Variants in ITFG1 observed in about 807,000 individuals in gnomAD.
The protein encoded by ITFG1 is T-cell immunomodulatory protein.
In ITFG1, 34 loss-of-function variants were observed where a neutral mutation model predicts 81.8. The observed-to-expected ratio is 0.42, with a 90% CI of 0.32 to 0.55. The LOEUF (loss-of-function observed/expected upper bound fraction) is 0.55, where lower values mean the gene tolerates loss of function less well. Among genes scored for constraint, ITFG1 ranks in the 20% least tolerant of loss-of-function variants. The pLI is 0.17. For missense variants in ITFG1, 672 were observed against 755.4 expected (o/e 0.89, Z 1.29); for synonymous variants, 285 against 270.6 (o/e 1.05, Z -0.52).
At chr16:47,383,356 C>T (rs1269414656) in intron 6 of ITFG1, among the ~76,000 whole-genome samples, 7 of 152,230 alleles carry the variant, frequency 4.6e-5, no homozygotes, top group African/African-American at 7.2e-5. Context: ...TGCCCTGACG[C>T]GTTTTCTTAG....
Position 47,189,844 on chromosome 16 carries a change from C to T in ITFG1, c.1454-27180G>A, listed in dbSNP as rs192498193. Among the ~76,000 whole-genome samples the T allele has an allele frequency of 3.3e-3, 502 of 152,240 alleles. 2 individuals are homozygous for T. The highest frequency in any genetic ancestry group is 0.012 in the African/African-American group (479 of 41,530). ...CCTCTAATGAAGGAATGGTAAAAAG[C>T]CATTGCAAATGCATGTGAAAAATAA... On this transcript the variant is annotated intron_variant, in intron 14 of 17. Coordinates refer to ENST00000320640, the MANE Select transcript of ITFG1 (RefSeq NM_030790.5).
At chr16:47,422,698 C>T (rs1968966832) in intron 6 of ITFG1, among the ~76,000 whole-genome samples, 1 of 152,160 alleles carries the variant, frequency 6.6e-6, no homozygotes, top group Admixed American at 6.5e-5. Flanking sequence ...AGAGATTCAA[C>T]CTCTTCCTGG....
chr16:47,412,552 G>C (rs1968824673), intron 6 of ITFG1, among the ~76,000 whole-genome samples: 1 of 152,092 alleles, frequency 6.6e-6, no homozygotes, highest in African/African-American at 2.4e-5. Flanking sequence ...AAAATAGCAG[G>C]ATATGGTGGT....
At chr16:47,380,143 A>C (rs1968378121) in intron 6 of ITFG1, among the ~76,000 whole-genome samples, 1 of 152,058 alleles carries the variant, frequency 6.6e-6, no homozygotes, top group Non-Finnish European at 1.5e-5. Flanking sequence ...GAACCCAAGA[A>C]GGTTAAATTC....
At chr16:47,227,616 T>C (rs940538407) in intron 13 of ITFG1, among the ~76,000 whole-genome samples, 2 of 152,192 alleles carry the variant, frequency 1.3e-5, no homozygotes, top group Non-Finnish European at 2.9e-5. Flanking sequence ...AGAGACTTTT[T>C]TAGTAAGCCA....
chr16:47,313,469 A>G (rs995064800), intron 9 of ITFG1, among the ~76,000 whole-genome samples: 2 of 152,244 alleles, frequency 1.3e-5, no homozygotes, highest in African/African-American at 4.8e-5. Context: ...TATTCCTGGC[A>G]TATAAAAAGC....
intron 14 of ITFG1, among the ~76,000 whole-genome samples, chr16:47,163,914 TACACACAC>T (rs56117889): frequency 9.3e-4 from 129 of 139,416 alleles, no homozygotes; most frequent in South Asian, 1.9e-3. Flanking sequence ...GAAGCTCAAC[TACACACAC>T]ACACACACAC....
In ITFG1 at chr16:47,221,055, A is replaced by G. The variant is rs530414151; in HGVS notation, c.1375-2109T>C. ...CTTTGCAAGTAGGGTAGCTATGAAAATGAAGAGCCTACCAGGTACTGGAGG... is the reference window on the plus strand; with the variant it reads ...CTTTGCAAGTAGGGTAGCTATGAAAGTGAAGAGCCTACCAGGTACTGGAGG... On this transcript the variant is annotated intron_variant, in intron 13 of 17. Coordinates refer to ENST00000320640, the MANE Select transcript of ITFG1 (RefSeq NM_030790.5). 2.0e-5 allele frequency among the ~76,000 whole-genome samples: 3 copies of G among 152,278 alleles called. No individual in the cohort carries two copies. In the Middle Eastern group the frequency reaches 0.01, roughly 518 times the overall value.
At chr16:47,320,149 A>G (rs1014499128) in intron 8 of ITFG1, among the ~76,000 whole-genome samples, 10 of 152,248 alleles carry the variant, frequency 6.6e-5, no homozygotes, top group African/African-American at 2.4e-4. Flanking sequence ...CAATACCTCA[A>G]TTATCAAATG....
At chr16:47,167,589 A>AT (rs1964909200) in intron 14 of ITFG1, among the ~76,000 whole-genome samples, 1 of 151,226 alleles carries the variant, frequency 6.6e-6, no homozygotes, top group South Asian at 2.1e-4. Context: ...CTTGACTGTA[A>AT]TTTTCCTTTA....
chr16:47,339,966 C>A (rs1391117591), intron 8 of ITFG1, among the ~76,000 whole-genome samples: 1 of 151,662 alleles, frequency 6.6e-6, no homozygotes, highest in South Asian at 2.1e-4. Flanking sequence ...ACAGAAAAAA[C>A]AAACAAAAAA....
intron 6 of ITFG1, among the ~76,000 whole-genome samples, chr16:47,422,452 C>CT (rs1491264698): frequency 6.6e-6 from 1 of 152,102 alleles, no homozygotes; most frequent in East Asian, 1.9e-4. Context: ...CTAAAATTCC[C>CT]TTTTTTTGTT....
chr16:47,182,176 A>C (rs1965133792), intron 14 of ITFG1, among the ~76,000 whole-genome samples: 1 of 151,624 alleles, frequency 6.6e-6, no homozygotes, highest in African/African-American at 2.4e-5. Flanking sequence ...AAGAATGATC[A>C]ATTAAAAAAA....
intron 8 of ITFG1, among the ~76,000 whole-genome samples, chr16:47,336,775 C>A (rs1967709443): frequency 6.6e-6 from 1 of 151,824 alleles, no homozygotes; most frequent in Non-Finnish European, 1.5e-5. Context: ...CCTGCCTGGC[C>A]AACATGGCAA....
intron 6 of ITFG1, among the ~76,000 whole-genome samples, chr16:47,382,539 C>T (rs571128400): frequency 1.3e-5 from 2 of 151,892 alleles, no homozygotes; most frequent in South Asian, 2.1e-4. Context: ...TACAGAGAGA[C>T]GCAGACACCA....
intron 10 of ITFG1, among the ~76,000 whole-genome samples, chr16:47,282,627 G>A (rs957949083): frequency 6.6e-5 from 10 of 152,176 alleles, no homozygotes; most frequent in East Asian, 5.8e-4. Flanking sequence ...GGATTGCTAC[G>A]TCAAATGGTA....
intron 12 of ITFG1, among the ~76,000 whole-genome samples, chr16:47,255,153 AT>A (rs748968800): frequency 4.6e-5 from 7 of 152,250 alleles, no homozygotes; most frequent in Non-Finnish European, 1.0e-4. Flanking sequence ...CAGTTATCTC[AT>A]TAAACAGAAA....
At chr16:47,166,440 A>G (rs927423565) in intron 14 of ITFG1, among the ~76,000 whole-genome samples, 1 of 152,258 alleles carries the variant, frequency 6.6e-6, no homozygotes, top group African/African-American at 2.4e-5. Context: ...ATGCATAAAT[A>G]AACACATTTT....
At chr16:47,196,949 A>AAAC (rs879933085) in intron 14 of ITFG1, among the ~76,000 whole-genome samples, 2 of 152,066 alleles carry the variant, frequency 1.3e-5, no homozygotes, top group Non-Finnish European at 2.9e-5. Flanking sequence ...AAACAAAACA[A>AAAC]AACAACAACA....
Sources: allele counts gnomAD v4.1 joint callset (sites outside exome capture counted in the v4.1 genomes callset), GRCh38; gene constraint gnomAD v4.1.1; transcripts MANE v1.5; gene names NCBI Gene and HGNC (gene_info 2026-07-23, HGNC 2026-07-21).